CFTR: variants seen among roughly 807,000 people sequenced by gnomAD.
The protein encoded by CFTR is CF transmembrane conductance regulator.
CFTR carries 181 observed loss-of-function variants against 171.6 expected under a neutral mutation model. The observed-to-expected ratio is 1.05, with a 90% confidence interval of 0.93 to 1.19. The LOEUF is 1.19. Among genes scored for constraint, CFTR ranks in the 50% most tolerant of loss-of-function variants. CFTR has a pLI of 0.00. For missense variants in CFTR, 1,968 were observed against 1,734.7 expected (o/e 1.13, Z -2.39); for synonymous variants, 583 against 608.0 (o/e 0.96, Z 0.60).
chr7:117,602,131 C>T (rs1792235931), intron 15 of CFTR, among the ~76,000 whole-genome samples: 1 of 152,144 alleles, frequency 6.6e-6, no homozygotes, highest in African/African-American at 2.4e-5. Flanking sequence ...CTTCTGTGTT[C>T]AAGCAATTCT....
intron 22 of CFTR, among the ~76,000 whole-genome samples, chr7:117,634,542 T>C (rs1792797378): frequency 6.6e-6 from 1 of 152,100 alleles, no homozygotes; most frequent in African/African-American, 2.4e-5. Context: ...TTATCCAAGG[T>C]GGAAGCTTAT....
rs1397796355 is a variant in CFTR, at chr7:117,667,005, T to A, written c.4340T>A (p.Val1447Glu). Residue 1447 changes from valine to glutamate, a missense_variant, in exon 27 of 27, where the codon GTG becomes GAG. Coordinates refer to ENST00000003084, the MANE Select transcript of CFTR (RefSeq NM_000492.4). ...FRQAISPSDR[V>E]KLFPHRNSSK... Reference sequence around the variant, plus strand: ...CAAGCCATCAGCCCCTCCGACAGGGTGAAGCTCTTTCCCCACCGGAACTCA... The same window carrying A: ...CAAGCCATCAGCCCCTCCGACAGGGAGAAGCTCTTTCCCCACCGGAACTCA... The A allele has an allele frequency of 5.0e-6, 8 of 1,613,612 alleles. No homozygotes were observed. Among genetic ancestry groups the A allele is most frequent in the African/African-American group, 4.0e-5 (3 of 74,818 alleles).
At chr7:117,641,111 A>G (rs1343415654) in intron 22 of CFTR, among the ~76,000 whole-genome samples, 5 of 152,174 alleles carry the variant, frequency 3.3e-5, no homozygotes, top group Non-Finnish European at 7.4e-5. Context: ...TTGTCTGAGA[A>G]CAAACATTTG....
chr7:117,540,459 A>C (rs1020438718), intron 8 of CFTR, 113 bp downstream of exon 8: 5 of 987,432 alleles, frequency 5.1e-6, no homozygotes, highest in Non-Finnish European at 7.4e-6. Context: ...AATTTCCTTC[A>C]CTAGGAAGTT....
chr7:117,495,453 G>A (rs146152437), intron 1 of CFTR, among the ~76,000 whole-genome samples: 66 of 152,222 alleles, frequency 4.3e-4, no homozygotes, highest in Non-Finnish European at 8.8e-4. Flanking sequence ...TGAAATCCAA[G>A]TCATGTGAGT....
chr7:117,617,151 C>A lies in CFTR; in HGVS notation c.3468+2438C>A, dbSNP rs886292469. On this transcript the variant is annotated intron_variant, in intron 21 of 26. Transcript: ENST00000003084. ...AACAAGGTGTTTAGTTTGATGTATGCTTTTAGTCTTTCAGAAAAAAATGTT... is the reference window on the plus strand; with the variant it reads ...AACAAGGTGTTTAGTTTGATGTATGATTTTAGTCTTTCAGAAAAAAATGTT... 6.6e-5 allele frequency among the ~76,000 whole-genome samples: 10 copies of A among 152,134 alleles called. No homozygotes were observed. In the South Asian group the frequency reaches 8.3e-4, roughly 13 times the overall value.
chr7:117,571,226 A>G (rs1439071012), intron 11 of CFTR, among the ~76,000 whole-genome samples: 1 of 152,224 alleles, frequency 6.6e-6, no homozygotes, highest in African/African-American at 2.4e-5. Flanking sequence ...TATGAAGGCC[A>G]GGTCCTAAGA....
chr7:117,518,657 C>G (rs1202138401), intron 3 of CFTR, among the ~76,000 whole-genome samples: 1 of 150,692 alleles, frequency 6.6e-6, no homozygotes, highest in Non-Finnish European at 1.5e-5. Context: ...TCTCAAACTC[C>G]TGGGCTCAAG....
Position 117,562,339 on chromosome 7 carries a change from GTA to G in CFTR, c.1584+2686_1584+2687del, listed in dbSNP as rs574305238. On this transcript the variant is annotated intron_variant, in intron 11 of 26. Coordinates refer to ENST00000003084, the MANE Select transcript of CFTR (RefSeq NM_000492.4). ...GGAGAAGGAAAGCCATGAAGCCAAAGTATTATGAAAAAGCATCAATATGAATT... is the reference window on the plus strand; with the variant it reads ...GGAGAAGGAAAGCCATGAAGCCAAAGTTATGAAAAAGCATCAATATGAATT... Among the ~76,000 whole-genome samples, 255 of 152,272 alleles carry G rather than the reference GTA, an allele frequency of 1.7e-3. 1 individual carries two copies. The highest frequency in any genetic ancestry group is 3.2e-3 in the Non-Finnish European group (216 of 68,012).
At chr7:117,557,254 G>A (rs113938328) in intron 10 of CFTR, among the ~76,000 whole-genome samples, 249 of 152,118 alleles carry the variant, frequency 1.6e-3, no homozygotes, top group African/African-American at 5.8e-3. Context: ...TTCCAAGAAT[G>A]TTGTTCAAAT....
chr7:117,659,003 C>G (rs1793223388), intron 24 of CFTR, among the ~76,000 whole-genome samples: 1 of 152,122 alleles, frequency 6.6e-6, no homozygotes, highest in South Asian at 2.1e-4. Flanking sequence ...ATGATTTTGT[C>G]TTTGTTTGGC....
At chr7:117,632,557 C>CAAAAAAAAAA (rs56829741) in intron 22 of CFTR, among the ~76,000 whole-genome samples, 1 of 91,412 alleles carries the variant, frequency 1.1e-5, no homozygotes. Flanking sequence ...GACACTGTCT[C>CAAAAAAAAAA]AAAAAAAAAA....
At chr7:117,629,082 A>T (rs1378961634) in intron 22 of CFTR, among the ~76,000 whole-genome samples, 1 of 152,168 alleles carries the variant, frequency 6.6e-6, no homozygotes, top group South Asian at 2.1e-4. Flanking sequence ...CCTCATTAGT[A>T]TAGGAAGTTT....
chr7:117,649,874 A>G lies in CFTR; in HGVS notation c.3874-2968A>G, dbSNP rs144029815. On this transcript the variant is annotated intron_variant, in intron 23 of 26. Coordinates refer to ENST00000003084, the MANE Select transcript of CFTR (RefSeq NM_000492.4). The stretch of plus-strand genomic sequence containing the variant: ...TTTATTTGGTATTGAGGATCAGGAA[A>G]GATACCCCTGAGGAAGTGATATTTA... 2.6e-3 allele frequency among the ~76,000 whole-genome samples: 396 copies of G among 152,226 alleles called. 4 individuals carry two copies. Among genetic ancestry groups the G allele is most frequent in the African/African-American group, 9.0e-3 (373 of 41,558 alleles).
chr7:117,541,812 G>A (rs1423099510), intron 8 of CFTR, among the ~76,000 whole-genome samples: 1 of 152,116 alleles, frequency 6.6e-6, no homozygotes, highest in African/African-American at 2.4e-5. Context: ...TATGTTTAGA[G>A]AGTATATTTC....
Position 117,530,382 on chromosome 7 carries a change from C to T in CFTR, c.274-517C>T, listed in dbSNP as rs150112318. 7.2e-4 allele frequency among the ~76,000 whole-genome samples: 109 copies of T among 152,224 alleles called. No individual in the cohort carries two copies. The Middle Eastern group carries it at 0.027, about 38-fold the overall frequency. On this transcript the variant is annotated intron_variant, in intron 3 of 26. Transcript: ENST00000003084. The stretch of plus-strand genomic sequence containing the variant: ...GTTCATTCTGAAAATAATGCCATTG[C>T]ACAAAACACTTTTGAAAGTTCTAGT...
chr7:117,625,523 A>G (rs998404896), intron 21 of CFTR, among the ~76,000 whole-genome samples: 5 of 152,152 alleles, frequency 3.3e-5, no homozygotes, highest in African/African-American at 1.2e-4. Flanking sequence ...AGCAACAGTT[A>G]AATGTTTTAT....
intron 23 of CFTR, among the ~76,000 whole-genome samples, chr7:117,646,146 G>C (rs1446392625): frequency 6.6e-6 from 1 of 152,040 alleles, no homozygotes; most frequent in Non-Finnish European, 1.5e-5. Context: ...GAGTATAATG[G>C]TAGTAACTAA....
chr7:117,630,788 C>G (rs34567454), intron 22 of CFTR, among the ~76,000 whole-genome samples: 1 of 151,914 alleles, frequency 6.6e-6, no homozygotes, highest in African/African-American at 2.4e-5. Flanking sequence ...AGGGGTGGTT[C>G]GGAGATTCTC....
Sources: gnomAD v4.1 joint callset for allele counts (sites outside exome capture counted in the v4.1 genomes callset) on GRCh38, gnomAD v4.1.1 for gene constraint, MANE v1.5 for transcripts, NCBI Gene and HGNC (gene_info 2026-07-23, HGNC 2026-07-21) for gene names.